ZFAND3: variants seen among roughly 807,000 people sequenced by gnomAD.
The protein encoded by ZFAND3 is zinc finger AN1-type containing 3, also known as AN1-type zinc finger protein 3.
In ZFAND3, 10 loss-of-function variants were observed where a neutral mutation model predicts 29.6. That is an observed-to-expected ratio of 0.34 (90% confidence interval 0.21 to 0.57). ZFAND3 has a LOEUF of 0.57. Among genes scored for constraint, ZFAND3 ranks in the 20% least tolerant of loss-of-function variants. The pLI, the probability that ZFAND3 is intolerant of heterozygous loss-of-function variation, is 0.86. For synonymous variants in ZFAND3, 128 were observed against 112.6 expected, an observed-to-expected ratio of 1.14 and a Z score of -0.87; for missense variants, 230 against 304.5, an observed-to-expected ratio of 0.76 and a Z score of 1.82.
rs1367196505 is a variant in ZFAND3 at position 38,098,361 on chromosome 6, G to A, written c.361+15904G>A. 2.6e-5 allele frequency among the ~76,000 whole-genome samples: 4 copies of A among 152,274 alleles called. No individual in the cohort carries two copies. The Middle Eastern group carries it at 0.01, about 388-fold the overall frequency. On this transcript the variant is annotated intron_variant, in intron 4 of 5. Coordinates refer to ENST00000287218, the MANE Select transcript of ZFAND3 (RefSeq NM_021943.3). ...AGGGTTTTTTCACCATGTTGGCCAG[G>A]CTGGTCTCCAACTCCTGACCTCAGG...
chr6:38,105,430 T>A (rs1460306468), intron 4 of ZFAND3, among the ~76,000 whole-genome samples: 3 of 152,212 alleles, frequency 2.0e-5, no homozygotes, highest in Non-Finnish European at 4.4e-5. Context: ...TTAATGAGTT[T>A]GGACACATGG....
intron 4 of ZFAND3, among the ~76,000 whole-genome samples, chr6:38,098,328 G>T (rs1022595249): frequency 2.6e-5 from 4 of 152,202 alleles, no homozygotes; most frequent in Admixed American, 2.6e-4. Flanking sequence ...TGTATTTTTA[G>T]TAGAGACAGG....
chr6:38,018,970 CT>C (rs930403133), intron 2 of ZFAND3, among the ~76,000 whole-genome samples: 11 of 150,114 alleles, frequency 7.3e-5, no homozygotes, highest in Admixed American at 6.6e-5. Flanking sequence ...ATCTGATAGA[CT>C]TTTTTTTTTG....
At chr6:38,103,002 C>A (rs1346724949) in intron 4 of ZFAND3, among the ~76,000 whole-genome samples, 1 of 152,168 alleles carries the variant, frequency 6.6e-6, no homozygotes, top group Non-Finnish European at 1.5e-5. Context: ...GGTGATCCAC[C>A]TGCTGCGGCT....
chr6:37,934,804 A>G (rs921291936), intron 2 of ZFAND3, among the ~76,000 whole-genome samples: 7 of 128,986 alleles, frequency 5.4e-5, no homozygotes, highest in African/African-American at 2.0e-4. Flanking sequence ...GTGCCACTGC[A>G]TTCCAGCCTG....
chr6:37,892,670 T>C (rs1029732417), intron 1 of ZFAND3, among the ~76,000 whole-genome samples: 8 of 152,166 alleles, frequency 5.3e-5, no homozygotes, highest in Non-Finnish European at 8.8e-5. Flanking sequence ...AATCAAAAGC[T>C]GGTTCTTAGG....
At chr6:37,946,486 AT>A (rs975406639) in intron 2 of ZFAND3, among the ~76,000 whole-genome samples, 2 of 152,298 alleles carry the variant, frequency 1.3e-5, no homozygotes, top group African/African-American at 2.4e-5. Context: ...CAAAATTACA[AT>A]TTTTCCCCCC....
At chr6:38,106,385 G>C (rs1034612519) in intron 4 of ZFAND3, among the ~76,000 whole-genome samples, 2 of 152,106 alleles carry the variant, frequency 1.3e-5, no homozygotes, top group Admixed American at 6.5e-5. Flanking sequence ...CCCAATCTCA[G>C]GTGATCTGCC....
intron 4 of ZFAND3, among the ~76,000 whole-genome samples, chr6:38,095,834 C>T (rs1764966221): frequency 6.6e-6 from 1 of 152,050 alleles, no homozygotes; most frequent in East Asian, 1.9e-4. Context: ...GAATTGGAGA[C>T]CAGCCTGGGC....
In ZFAND3 at chr6:37,931,073, C is replaced by T. The variant is rs972284186; in HGVS notation, c.112+1074C>T. Among the ~76,000 whole-genome samples, 11 of 152,266 alleles carry T rather than the reference C, an allele frequency of 7.2e-5. 1 individual carries two copies. Among genetic ancestry groups the T allele is most frequent in the Admixed American group, 3.3e-4 (5 of 15,302 alleles). On this transcript the variant is annotated intron_variant, in intron 2 of 5. Coordinates refer to ENST00000287218, the MANE Select transcript of ZFAND3 (RefSeq NM_021943.3). ...AATATGGTGATTAGGCCAGCTGTGC[C>T]TGTTAGCTGACACTGTGACTGGGGA...
At chr6:37,901,893 A>T (rs1311057724) in intron 1 of ZFAND3, among the ~76,000 whole-genome samples, 2 of 152,176 alleles carry the variant, frequency 1.3e-5, no homozygotes, top group Non-Finnish European at 2.9e-5. Context: ...GAGGCCTTTA[A>T]CAAAATTGCA....
At chr6:38,145,660 G>T (rs1766090199) in intron 5 of ZFAND3, among the ~76,000 whole-genome samples, 1 of 152,168 alleles carries the variant, frequency 6.6e-6, no homozygotes, top group South Asian at 2.1e-4. Flanking sequence ...AGATCTTTAT[G>T]GGTCTTGGAA....
chr6:38,079,432 A>C (rs973611382), intron 3 of ZFAND3, among the ~76,000 whole-genome samples: 66 of 152,170 alleles, frequency 4.3e-4, no homozygotes, highest in Middle Eastern at 3.2e-3. Flanking sequence ...TATTTGCAGA[A>C]ACCTACAGAA....
At chr6:38,070,173 C>A (rs1345894932) in intron 3 of ZFAND3, among the ~76,000 whole-genome samples, 1 of 151,944 alleles carries the variant, frequency 6.6e-6, no homozygotes, top group East Asian at 1.9e-4. Context: ...GCCTGTAATC[C>A]CAGCACTTTG....
intron 1 of ZFAND3, among the ~76,000 whole-genome samples, chr6:37,866,576 G>A (rs2127386246): frequency 6.6e-6 from 1 of 152,328 alleles, no homozygotes; most frequent in South Asian, 2.1e-4. Flanking sequence ...AAGTAGTCAT[G>A]TTAAGGCTGT....
intron 1 of ZFAND3, among the ~76,000 whole-genome samples, chr6:37,873,959 G>A (rs1581725656): frequency 6.6e-6 from 1 of 152,132 alleles, no homozygotes; most frequent in South Asian, 2.1e-4. Context: ...ACTTGAAAAT[G>A]TGGAAACCAT....
chr6:38,052,793 T>A (rs1041002019), intron 2 of ZFAND3, among the ~76,000 whole-genome samples: 2 of 151,878 alleles, frequency 1.3e-5, no homozygotes, highest in Non-Finnish European at 2.9e-5. Context: ...CCCAGAGTGA[T>A]TACAGGCACG....
Position 38,090,432 on chromosome 6 carries a change from ACC to A in ZFAND3, c.361+7976_361+7977del, listed in dbSNP as rs1561995199. Among the ~76,000 whole-genome samples the A allele has an allele frequency of 3.3e-5, 5 of 152,228 alleles. No individual in the cohort carries two copies. The South Asian group carries it at 1.0e-3, about 32-fold the overall frequency. On this transcript the variant is annotated intron_variant, in intron 4 of 5. Transcript: ENST00000287218. Reference sequence around the variant, plus strand: ...GAAAAAGTATTTAAATAAATGTTTTACCTTATGCACTCATCATCTTGGGTCCT... The same window carrying A: ...GAAAAAGTATTTAAATAAATGTTTTATTATGCACTCATCATCTTGGGTCCT...
chr6:38,114,636 A>G (rs773773238), intron 4 of ZFAND3, among the ~76,000 whole-genome samples: 5 of 151,178 alleles, frequency 3.3e-5, no homozygotes, highest in East Asian at 4.0e-4. Context: ...CTGGGGGACT[A>G]TGAGCAAACT....
Sources: gnomAD v4.1 joint callset for allele counts (sites outside exome capture counted in the v4.1 genomes callset) on GRCh38, gnomAD v4.1.1 for gene constraint, MANE v1.5 for transcripts, NCBI Gene and HGNC (gene_info 2026-07-23, HGNC 2026-07-21) for gene names.